PCP4L1: variants seen among roughly 807,000 people sequenced by gnomAD.
PCP4L1 encodes Purkinje cell protein 4-like protein 1.
In PCP4L1, 9 loss-of-function variants were observed where a neutral mutation model predicts 9.6. The ratio of observed to expected loss-of-function variants is 0.94; its 90% CI spans 0.57 to 1.64. PCP4L1 has a LOEUF of 1.64. Ranked by LOEUF, PCP4L1 falls within the 40% of genes most tolerant of loss-of-function variation. The probability of loss-of-function intolerance (pLI) is 0.00; values close to 1 mark genes in which losing one functional copy is unlikely to be tolerated. For missense variants in PCP4L1, 81 were observed against 80.8 expected (o/e 1.00, Z -0.01); for synonymous variants, 31 against 28.2 (o/e 1.10, Z -0.31).
At chr1:161,279,051 G>C (rs529944034) in intron 1 of PCP4L1, among the ~76,000 whole-genome samples, 31 of 152,310 alleles carry the variant, frequency 2.0e-4, no homozygotes, top group African/African-American at 7.2e-4. Context: ...CCAAAGTGCT[G>C]AGATTACAGG....
At chr1:161,265,171 C>T (rs1245995084) in intron 1 of PCP4L1, among the ~76,000 whole-genome samples, 1 of 152,148 alleles carries the variant, frequency 6.6e-6, no homozygotes, top group South Asian at 2.1e-4. Flanking sequence ...CAAACAGCCT[C>T]TGGGTATTCA....
chr1:161,259,681 G>A (rs562135169), intron 1 of PCP4L1, among the ~76,000 whole-genome samples: 56 of 152,316 alleles, frequency 3.7e-4, no homozygotes, highest in African/African-American at 1.3e-3. Flanking sequence ...CATGGGGTGG[G>A]GGAGTGGGGG....
intron 1 of PCP4L1, among the ~76,000 whole-genome samples, chr1:161,259,692 G>A (rs1669385943): frequency 1.3e-5 from 2 of 152,318 alleles, no homozygotes; most frequent in East Asian, 1.9e-4. Context: ...GGAGTGGGGG[G>A]TCAAAGCAGA....
chr1:161,268,761 C>G (rs1669575880), intron 1 of PCP4L1, among the ~76,000 whole-genome samples: 1 of 152,140 alleles, frequency 6.6e-6, no homozygotes, highest in African/African-American at 2.4e-5. Flanking sequence ...GTTGGTCAGG[C>G]TGGTCTCGAA....
chr1:161,262,094 A>C, intron 1 of PCP4L1, among the ~76,000 whole-genome samples: 1 of 152,156 alleles, frequency 6.6e-6, no homozygotes, highest in East Asian at 1.9e-4. Flanking sequence ...TATTATGGTT[A>C]TATTGGATAT....
chr1:161,260,485 C>T (rs541383571), intron 1 of PCP4L1, among the ~76,000 whole-genome samples: 7 of 152,322 alleles, frequency 4.6e-5, no homozygotes, highest in Admixed American at 1.3e-4. Context: ...CCTCCCACCC[C>T]GAGCATTTCT....
At chr1:161,283,466 C>G (rs916525156) in intron 1 of PCP4L1, among the ~76,000 whole-genome samples, 1 of 152,170 alleles carries the variant, frequency 6.6e-6, no homozygotes, top group African/African-American at 2.4e-5. Context: ...GTCCTCTACA[C>G]TTTCTAGCAT....
intron 1 of PCP4L1, among the ~76,000 whole-genome samples, chr1:161,278,106 C>T (rs544961805): frequency 6.6e-6 from 1 of 152,238 alleles, no homozygotes; most frequent in Admixed American, 6.5e-5. Context: ...AAATCATTTC[C>T]ATCAGCATTT....
At chr1:161,259,104 G>A (rs1183039180) in intron 1 of PCP4L1, 121 bp downstream of exon 1, 11 of 1,357,888 alleles carry the variant, frequency 8.1e-6, no homozygotes, top group Non-Finnish European at 1.1e-5. Flanking sequence ...CCCTCCAGGG[G>A]CGCCCCACTG....
rs192591207 is a variant in PCP4L1 at position 161,284,231 on chromosome 1, C to T, written c.65-108C>T. 8.9e-5 allele frequency: 132 copies of T among 1,486,706 alleles called. No homozygotes were observed. The African/African-American group carries it at 1.7e-3, about 19-fold the overall frequency. 92.1% of individuals were successfully genotyped at this position (1,486,706 alleles called of 1,614,324 possible). On this transcript the variant is annotated intron_variant, in intron 2 of 2. Coordinates refer to ENST00000504449, the MANE Select transcript of PCP4L1 (RefSeq NM_001102566.2). ...TAATCCTAGCAAAAATTTGGGGACC[C>T]CACAGAGTCTGGCACAAGGTGGACC... is the stretch of plus-strand genomic sequence containing the variant.
At chr1:161,282,623 T>G (rs961302370) in intron 1 of PCP4L1, among the ~76,000 whole-genome samples, 4 of 152,172 alleles carry the variant, frequency 2.6e-5, no homozygotes, top group African/African-American at 9.7e-5. Flanking sequence ...ACTATTCAAC[T>G]GTTTATAAAA....
At chr1:161,261,046 G>A (rs1455336735) in intron 1 of PCP4L1, among the ~76,000 whole-genome samples, 2 of 152,106 alleles carry the variant, frequency 1.3e-5, no homozygotes, top group Non-Finnish European at 2.9e-5. Context: ...TGGAAGTGTT[G>A]CCCAGAGCTC....
At chr1:161,269,998 C>CAAA (rs34089226) in intron 1 of PCP4L1, among the ~76,000 whole-genome samples, 9,801 of 145,762 alleles carry the variant, frequency 0.067, 346 homozygotes, top group Middle Eastern at 0.12. Flanking sequence ...GACCTTGTCT[C>CAAA]AAAAAAAAAA....
intron 2 of PCP4L1, 71 bp downstream of exon 2, chr1:161,283,793 C>G: frequency 7.0e-7 from 1 of 1,437,466 alleles, no homozygotes. Context: ...TAGGGTGAGT[C>G]TGGAATTTCC....
At chr1:161,283,052 C>A (rs925164174) in intron 1 of PCP4L1, among the ~76,000 whole-genome samples, 11 of 152,136 alleles carry the variant, frequency 7.2e-5, no homozygotes, top group African/African-American at 2.7e-4. Context: ...AAAAAGACTT[C>A]TAAAGCCCTA....
intron 1 of PCP4L1, among the ~76,000 whole-genome samples, chr1:161,263,432 T>G (rs1291866702): frequency 6.6e-6 from 1 of 151,962 alleles, no homozygotes; most frequent in Non-Finnish European, 1.5e-5. Flanking sequence ...AGAGATGGGG[T>G]TTCACTATGT....
chr1:161,272,785 G>T (rs537525270), intron 1 of PCP4L1, among the ~76,000 whole-genome samples: 34 of 152,014 alleles, frequency 2.2e-4, no homozygotes, highest in African/African-American at 8.2e-4. Flanking sequence ...GAGAGTAAAG[G>T]GAACTGATTG....
Position 161,285,438 on chromosome 1 carries a change from C to T in PCP4L1, c.*957C>T, listed in dbSNP as rs1669894642. On this transcript the variant is annotated 3_prime_UTR_variant, in exon 3 of 3. Transcript: ENST00000504449. ...CAATAAACCACCCCACAAATGGGGTCATTTAACCTCTACTAATGTTTTTTT... is the reference window on the plus strand; with the variant it reads ...CAATAAACCACCCCACAAATGGGGTTATTTAACCTCTACTAATGTTTTTTT... 6.6e-6 allele frequency: 1 copy of T among 152,330 alleles called. No homozygotes were observed. The allele number at this position is 152,330 out of a possible 1,614,324, so 9.4% of individuals were successfully genotyped here.
chr1:161,280,251 C>T (rs534202058), intron 1 of PCP4L1, among the ~76,000 whole-genome samples: 35 of 152,260 alleles, frequency 2.3e-4, no homozygotes, highest in Non-Finnish European at 3.7e-4. Flanking sequence ...CCTCTGCTTG[C>T]GCCAGGGCCT....
Sources: allele counts gnomAD v4.1 joint callset (sites outside exome capture counted in the v4.1 genomes callset), GRCh38; gene constraint gnomAD v4.1.1; transcripts MANE v1.5; gene names NCBI Gene and HGNC (gene_info 2026-07-23, HGNC 2026-07-21).